ZNF608: variants seen among roughly 807,000 people sequenced by gnomAD.
The protein encoded by ZNF608 is zinc finger protein 608.
A neutral mutation model predicts 109.0 loss-of-function variants in ZNF608; 12 were observed. The ratio of observed to expected loss-of-function variants is 0.11; its 90% CI spans 0.07 to 0.18. The LOEUF (loss-of-function observed/expected upper bound fraction) is 0.18, where lower values mean the gene tolerates loss of function less well. Among genes scored for constraint, ZNF608 ranks in the 10% least tolerant of loss-of-function variants. ZNF608 has a pLI of 1.00. For synonymous variants in ZNF608, 732 were observed against 717.4 expected (o/e 1.02, Z -0.33); for missense variants, 1,707 against 1,879.3 (o/e 0.91, Z 1.70).
chr5:124,747,677 T>G (rs1749687939), upstream of ZNF608, among the ~76,000 whole-genome samples: 1 of 150,128 alleles, frequency 6.7e-6, no homozygotes, highest in Non-Finnish European at 1.5e-5. Context: ...GTTATGAATG[T>G]GAAACATTTC....
chr5:124,694,816 C>T (rs1444307672), intron 3 of ZNF608, among the ~76,000 whole-genome samples: 10 of 151,058 alleles, frequency 6.6e-5, no homozygotes, highest in African/African-American at 4.9e-5. Context: ...TGAGAACATG[C>T]GGTGTTTGGT....
intron 7 of ZNF608, 70 bp downstream of exon 7, chr5:124,643,441 C>T: frequency 1.4e-6 from 2 of 1,475,114 alleles, no homozygotes; most frequent in Non-Finnish European, 1.9e-6. Flanking sequence ...TATTTCAAGA[C>T]TGTTCTCTAG....
At chr5:124,671,472 CACCAGATTTAATT>C in intron 3 of ZNF608, among the ~76,000 whole-genome samples, 1 of 152,138 alleles carries the variant, frequency 6.6e-6, no homozygotes, top group Non-Finnish European at 1.5e-5. Flanking sequence ...ATGGTGAGAA[CACCAGATTTAATT>C]TCTCAACCTT....
At position 124,646,375 on chromosome 5, in the gene ZNF608, T is replaced by A. The variant is rs188229207; in HGVS notation, c.3705+304A>T. Among the ~76,000 whole-genome samples the A allele has an allele frequency of 2.7e-4, 41 of 151,944 alleles. No individual in the cohort carries two copies. In the East Asian group the frequency reaches 6.6e-3, roughly 24 times the overall value. On this transcript the variant is annotated intron_variant, in intron 5 of 9. Coordinates refer to ENST00000513986, the MANE Select transcript of ZNF608 (RefSeq NM_020747.3). ...TCCGTCTCAAAAAATTTAAAAAATT[T>A]AAAAAAAGAAATTAATGGACCTCAT...
At chr5:124,682,227 C>T (rs1184785749) in intron 3 of ZNF608, among the ~76,000 whole-genome samples, 3 of 152,206 alleles carry the variant, frequency 2.0e-5, no homozygotes, top group African/African-American at 4.8e-5. Flanking sequence ...CGCCTGCTAC[C>T]ATGCCTGGCT....
rs749474336 is a variant in ZNF608, at chr5:124,744,708, C to G, written c.282G>C (p.Gln94His). ...KFASVQASAP[Q>H]GNSHKETSKS... ...TGCTGGTCTCTTTGTGTGAATTCCC[C>G]TGGGGAGCAGAGGCCTGAACAGAAG... is the stretch of plus-strand genomic sequence containing the variant. Residue 94 changes from glutamine (Q) to histidine (H), a missense_variant, in exon 2 of 10, where the codon CAG (glutamine) becomes CAC (histidine). Gln to His is a conservative substitution (Grantham distance 24). Around this residue, in one of 7 missense-constraint regions of ZNF608, gnomAD observed 407 missense variants for 398.7 expected, o/e 1.02. Transcript: ENST00000513986. This position sits in a 1 kb window ranked among gnomAD's most constrained non-coding sequence, Gnocchi z 4.5. 1 of 1,614,198 alleles carries G rather than the reference C, an allele frequency of 6.2e-7. No homozygotes were observed. The highest frequency in any genetic ancestry group is 8.5e-7 in the Non-Finnish European group (1 of 1,180,048).
intron 2 of ZNF608, among the ~76,000 whole-genome samples, chr5:124,736,377 A>G (rs72781244): frequency 0.14 from 21,730 of 152,272 alleles, 1,793 homozygotes; most frequent in Admixed American, 0.24. Flanking sequence ...TGAGCCATCC[A>G]TAAAATCAGC....
At chr5:124,738,051 T>G (rs1343916160) in intron 2 of ZNF608, among the ~76,000 whole-genome samples, 4 of 152,166 alleles carry the variant, frequency 2.6e-5, no homozygotes, top group African/African-American at 9.7e-5. Flanking sequence ...CCATACTAAC[T>G]AAATACTCCC....
intron 2 of ZNF608, among the ~76,000 whole-genome samples, chr5:124,725,063 C>G (rs941265078): frequency 6.6e-6 from 1 of 152,078 alleles, no homozygotes; most frequent in African/African-American, 2.4e-5. Flanking sequence ...GGTGTCTCCT[C>G]AAACACACCA....
chr5:124,701,196 G>T lies in ZNF608; in HGVS notation c.980C>A (p.Ser327Tyr). The change falls in exon 3 of 10, where the codon TCC becomes TAC. Residue 327 changes from serine (S) to tyrosine (Y), a missense_variant. By Grantham distance (144) the Ser-to-Tyr change is moderately radical. Around this residue, in one of 7 missense-constraint regions of ZNF608, gnomAD observed 407 missense variants for 398.7 expected, o/e 1.02. Transcript: ENST00000513986. ...SSSLTPQILP[S>Y]YFSPSSSNIA... ...ATTGGATGAAGATGGGGAAAAGTAG[G>T]AGGGTAGAATCTGAGGCGTGAGACT... 6.2e-7 allele frequency: 1 copy of T among 1,614,164 alleles called. No individual in the cohort carries two copies. Among genetic ancestry groups the T allele is most frequent in the South Asian group, 1.1e-5 (1 of 91,080 alleles).
At chr5:124,702,818 A>T (rs1350010849) in intron 2 of ZNF608, among the ~76,000 whole-genome samples, 1 of 152,222 alleles carries the variant, frequency 6.6e-6, no homozygotes, top group Admixed American at 6.5e-5. Flanking sequence ...CACAGAGCCC[A>T]GGAAAGAAAA....
At chr5:124,709,752 A>G (rs918281582) in intron 2 of ZNF608, among the ~76,000 whole-genome samples, 3 of 152,206 alleles carry the variant, frequency 2.0e-5, no homozygotes, top group Non-Finnish European at 2.9e-5. Context: ...TCTTGTTCAT[A>G]AGAGTTCTCT....
chr5:124,674,686 C>T (rs1339430541), intron 3 of ZNF608, among the ~76,000 whole-genome samples: 2 of 152,184 alleles, frequency 1.3e-5, no homozygotes. Flanking sequence ...TCATAGCTCA[C>T]GGCAGCCTCA....
chr5:124,736,610 G>C (rs6421891), intron 2 of ZNF608, among the ~76,000 whole-genome samples: 48,826 of 151,956 alleles, frequency 0.32, 8,471 homozygotes, highest in Middle Eastern at 0.48. Flanking sequence ...CCTCCAGCAT[G>C]GGGAAAATTT....
chr5:124,727,523 A>C lies in ZNF608; in HGVS notation c.906+16561T>G, dbSNP rs1335648213. Among the ~76,000 whole-genome samples the C allele has an allele frequency of 2.0e-5, 3 of 151,994 alleles. No homozygotes were observed. In the East Asian group the frequency reaches 5.8e-4, roughly 29 times the overall value. On this transcript the variant is annotated intron_variant, in intron 2 of 9. Transcript: ENST00000513986. The stretch of plus-strand genomic sequence containing the variant: ...TGTAAAAAGATATTAACAAATATGG[A>C]AAAAAGAAATATATAACATATATAC...
At chr5:124,689,556 A>AAAAC (rs1158268985) in intron 3 of ZNF608, among the ~76,000 whole-genome samples, 1 of 152,204 alleles carries the variant, frequency 6.6e-6, no homozygotes, top group African/African-American at 2.4e-5. Context: ...CAATAATAAG[A>AAAAC]AAACAACTCT....
At chr5:124,681,499 G>A (rs763705458) in intron 3 of ZNF608, among the ~76,000 whole-genome samples, 9 of 152,130 alleles carry the variant, frequency 5.9e-5, no homozygotes, top group Non-Finnish European at 1.3e-4. Context: ...TAGCAACTCC[G>A]GAGGCTGAGC....
chr5:124,713,314 T>G (rs1753573186), intron 2 of ZNF608, among the ~76,000 whole-genome samples: 1 of 152,202 alleles, frequency 6.6e-6, no homozygotes, highest in African/African-American at 2.4e-5. Flanking sequence ...GATTTCTCAG[T>G]CCACAGTCTA....
chr5:124,733,870 C>CT (rs1401807422), intron 2 of ZNF608, among the ~76,000 whole-genome samples: 1 of 152,006 alleles, frequency 6.6e-6, no homozygotes, highest in African/African-American at 2.4e-5. Context: ...AACATATACC[C>CT]TATATATCTA....
Sources: gnomAD v4.1 joint callset for allele counts (sites outside exome capture counted in the v4.1 genomes callset) on GRCh38, gnomAD v4.1.1 for gene constraint, gnomAD v4.1.1 regional missense constraint, Gnocchi (gnomAD v3.1) non-coding constraint, MANE v1.5 for transcripts, NCBI Gene and HGNC (gene_info 2026-07-23, HGNC 2026-07-21) for gene names.